The following CEP250 variants were observed in gnomAD, a reference collection of about 807,000 sequenced individuals.
CEP250 encodes centrosomal protein 250, also known as centrosome-associated protein CEP250.
In CEP250, 242 loss-of-function variants were observed where a neutral mutation model predicts 315.7. The ratio of observed to expected loss-of-function variants is 0.77; its 90% confidence interval spans 0.69 to 0.85. The LOEUF (loss-of-function observed/expected upper bound fraction) is 0.85, where lower values mean the gene tolerates loss of function less well. Ranked by LOEUF, CEP250 falls within the 40% of genes least tolerant of loss-of-function variation. CEP250 has a pLI of 0.00. For synonymous variants in CEP250, 1,088 were observed against 1,175.0 expected, an observed-to-expected ratio of 0.93 and a Z score of 1.51; for missense variants, 2,515 against 2,886.4, an observed-to-expected ratio of 0.87 and a Z score of 2.95.
intron 14 of CEP250, 115 bp from the exon 15 acceptor site, chr20:35,475,387 T>G: frequency 9.1e-7 from 1 of 1,094,710 alleles, no homozygotes; most frequent in Non-Finnish European, 1.3e-6. Flanking sequence ...TCCTTATCAG[T>G]GTTTATAGAC....
At chr20:35,501,795 A>G in intron 28 of CEP250, 50 bp from the exon 29 acceptor site, 1 of 1,537,402 alleles carries the variant, frequency 6.5e-7, no homozygotes, top group South Asian at 1.2e-5. Context: ...TATATCCCAA[A>G]CATGGGTCTT....
At position 35,475,540 on chromosome 20, in the gene CEP250, A is replaced by G. The variant is rs760339581; in HGVS notation, c.1610A>G (p.Glu537Gly). The G allele has an allele frequency of 3.8e-5, 61 of 1,614,058 alleles. No homozygotes were observed. The highest frequency in any genetic ancestry group is 6.7e-5 in the Admixed American group (4 of 60,006). The change falls in exon 15 of 35, where the codon GAA (glutamate) becomes GGA (glycine). Residue 537 changes from glutamate (E) to glycine (G), a missense_variant. Physicochemically the swap from Glu to Gly is moderately conservative, Grantham distance 98 (BLOSUM62 -2). Coordinates refer to ENST00000397527, the MANE Select transcript of CEP250 (RefSeq NM_007186.6). ...ATGGGCCTGGAAGCCAAACAGTCAGAATCACTCAGTGAACTGATCACTCTT... is the reference window on the plus strand; with the variant it reads ...ATGGGCCTGGAAGCCAAACAGTCAGGATCACTCAGTGAACTGATCACTCTT... ...MLMGLEAKQS[E>G]SLSELITLRE...
intron 4 of CEP250, among the ~76,000 whole-genome samples, chr20:35,462,964 G>C (rs896179697): frequency 6.6e-5 from 10 of 152,046 alleles, no homozygotes; most frequent in Non-Finnish European, 1.5e-4. Context: ...CAAGGGTTAA[G>C]TTAATTATCC....
rs1314114333 is a variant in CEP250 at position 35,504,994 on chromosome 20, C to T, written c.6625C>T (p.Gln2209Ter). ...TGTCCTGGAGCGGGACTCAGAACAGCAAAGGCTGCAGGTAAGTCACTCCAT... is the reference window on the plus strand; with the variant it reads ...TGTCCTGGAGCGGGACTCAGAACAGTAAAGGCTGCAGGTAAGTCACTCCAT... ...ASVLERDSEQ[Q>*]RLQDELELTR... The change falls in exon 30 of 35, where the codon CAA becomes TAA. Residue 2209 changes from glutamine to a stop codon, truncating the protein, a stop_gained. Transcript: ENST00000397527. LOFTEE classifies it high-confidence loss of function. 7 of 1,604,368 alleles carry T rather than the reference C, an allele frequency of 4.4e-6. No individual in the cohort carries two copies. Among genetic ancestry groups the T allele is most frequent in the Non-Finnish European group, 6.0e-6 (7 of 1,173,562 alleles).
At chr20:35,493,303 T>C (rs1222473601) in intron 22 of CEP250, 126 bp from the exon 23 acceptor site, 1 of 865,106 alleles carries the variant, frequency 1.2e-6, no homozygotes, top group South Asian at 2.1e-5. Context: ...GACTAGGAAG[T>C]GAGAAGGTGA....
chr20:35,481,196 T>G (rs2063335369), intron 20 of CEP250: 1 of 152,102 alleles, frequency 6.6e-6, no homozygotes, highest in South Asian at 2.1e-4. Flanking sequence ...GGTGGGCAGA[T>G]TGCTTGAGCC....
chr20:35,473,602 A>G, intron 13 of CEP250, 50 bp downstream of exon 13: 1 of 1,523,540 alleles, frequency 6.6e-7, no homozygotes, highest in Non-Finnish European at 8.8e-7. Context: ...TCTCAGTCTC[A>G]GTCACCATCC....
chr20:35,475,737 A>T, intron 15 of CEP250, 91 bp downstream of exon 15: 4 of 1,378,118 alleles, frequency 2.9e-6, no homozygotes, highest in Non-Finnish European at 4.0e-6. Flanking sequence ...TCAAGCCAGG[A>T]TCCCTCATCT....
At chr20:35,484,984 A>G (rs2063465718) in intron 20 of CEP250, among the ~76,000 whole-genome samples, 1 of 151,256 alleles carries the variant, frequency 6.6e-6, no homozygotes, top group South Asian at 2.1e-4. Context: ...GCTCATGCCT[A>G]TAATCCCACC....
intron 7 of CEP250, 41 bp from the exon 8 acceptor site, chr20:35,466,925 C>A: frequency 1.6e-6 from 2 of 1,275,478 alleles, no homozygotes; most frequent in Non-Finnish European, 2.3e-6. Flanking sequence ...CAAAAGATAG[C>A]CCTCTGCCTT....
chr20:35,467,369 G>T lies in CEP250; in HGVS notation c.665G>T (p.Arg222Leu), dbSNP rs78174774. Reference sequence around the variant, plus strand: ...GGGTCTCTGTTGACCTGTTGTCTGCGCTTGACTGTGGGAGCACAGTCTCGG... The same window carrying T: ...GGGTCTCTGTTGACCTGTTGTCTGCTCTTGACTGTGGGAGCACAGTCTCGG... ...LSGSLLTCCLRLTVGAQSREP... is the reference protein window; with the variant it reads ...LSGSLLTCCLLLTVGAQSREP... Residue 222 changes from arginine (R) to leucine (L), a missense_variant, in exon 9 of 35, where the codon CGC (arginine) becomes CTC (leucine). Coordinates refer to ENST00000397527, the MANE Select transcript of CEP250 (RefSeq NM_007186.6). 71 of 1,614,128 alleles carry T rather than the reference G, an allele frequency of 4.4e-5. No individual in the cohort carries two copies. The highest frequency in any genetic ancestry group is 2.0e-4 in the East Asian group (9 of 44,880).
At chr20:35,501,193 C>T (rs552865339) in intron 28 of CEP250, among the ~76,000 whole-genome samples, 4 of 152,054 alleles carry the variant, frequency 2.6e-5, no homozygotes, top group African/African-American at 4.8e-5. Context: ...AAGAGTTAGC[C>T]GGGTGTGGTG....
At chr20:35,470,248 T>C (rs771226354) in intron 10 of CEP250, 3 of 487,310 alleles carry the variant, frequency 6.2e-6, no homozygotes, top group Non-Finnish European at 1.1e-5. Flanking sequence ...TACCAGAGAA[T>C]TGGCACATAC....
At position 35,518,614 on chromosome 20, in the gene CEP250, A is replaced by C. The variant is rs2064454066; in HGVS notation, c.*6988A>C. On this transcript the variant is annotated 3_prime_UTR_variant, in exon 35 of 35. Transcript: ENST00000397527. The stretch of plus-strand genomic sequence containing the variant: ...ATTATGAGCTCAAAGTTTTTTATAT[A>C]TTCACTATGATTCAATCATGACAGT... 6.6e-6 allele frequency: 1 copy of C among 152,180 alleles called. No homozygotes were observed. The highest frequency in any genetic ancestry group is 1.5e-5 in the Non-Finnish European group (1 of 68,022). The allele number at this position is 152,180 out of a possible 1,614,324, so 9.4% of individuals were successfully genotyped here. A position where few individuals can be genotyped will look rare whatever the true frequency, so the allele number is the denominator to read the frequency against.
Position 35,504,202 on chromosome 20 carries a change from C to T in CEP250, c.5833C>T (p.Leu1945=). 6.2e-7 allele frequency: 1 copy of T among 1,612,622 alleles called. No individual in the cohort carries two copies. Reference sequence around the variant, plus strand: ...GGAACGGGACCAGGAGCTGGAAGCTCTGCGGGCAGAAAGTCAGTCCTCCCG... The same window carrying T: ...GGAACGGGACCAGGAGCTGGAAGCTTTGCGGGCAGAAAGTCAGTCCTCCCG... ...LKERDQELEA[L]RAESQSSRHQ... Residue 1945 remains leucine, a synonymous_variant, in exon 30 of 35, where the codon CTG becomes TTG. Transcript: ENST00000397527.
At chr20:35,479,198 C>G (rs759307682) in intron 17 of CEP250, 33 bp from the exon 18 acceptor site, 12 of 1,601,252 alleles carry the variant, frequency 7.5e-6, no homozygotes, top group Admixed American at 1.7e-5. Context: ...AATCCAGCCT[C>G]TGCTCCATCT....
rs1423228104 is a variant in CEP250, at chr20:35,467,071, A to G, written c.598A>G (p.Arg200Gly). ...HFLEMKSATD[R>G]DLMELKAEHV... ...CCTGGAAATGAAGTCAGCTACTGAC[A>G]GGTCAGTGTGGGGAGAAGAAGGGAG... The change falls in exon 8 of 35, where the codon AGA (arginine) becomes GGA (glycine). Residue 200 changes from arginine (R) to glycine (G), a missense_variant and splice_region_variant. Transcript: ENST00000397527. 27 of 1,588,666 alleles carry G rather than the reference A, an allele frequency of 1.7e-5. No individual in the cohort carries two copies. The highest frequency in any genetic ancestry group is 2.8e-5 in the African/African-American group (2 of 72,660).
intron 34 of CEP250, 107 bp downstream of exon 34, chr20:35,510,161 C>A: frequency 9.9e-7 from 1 of 1,011,790 alleles, no homozygotes; most frequent in Non-Finnish European, 1.5e-6. Flanking sequence ...ACTTCAGTCT[C>A]CATGGGAGGC....
rs145878385 is a variant in CEP250 at position 35,476,558 on chromosome 20, C to G, written c.1826C>G (p.Ala609Gly). Residue 609 changes from alanine to glycine, a missense_variant, in exon 16 of 35, where the codon GCG becomes GGG. By Grantham distance (60) the Ala-to-Gly change is moderately conservative. Transcript: ENST00000397527. ...VKLSALNEAL[A>G]LDKVGLNQQL... ...CTCAGTGCCTTAAATGAGGCTTTGG[C>G]GTTAGATAAAGTTGGGCTGAACCAG... 6.2e-7 allele frequency: 1 copy of G among 1,613,710 alleles called. No homozygotes were observed. The highest frequency in any genetic ancestry group is 2.2e-5 in the East Asian group (1 of 44,874).
Sources: allele counts gnomAD v4.1 joint callset (sites outside exome capture counted in the v4.1 genomes callset), GRCh38; gene constraint gnomAD v4.1.1; transcripts MANE v1.5; gene names NCBI Gene and HGNC (gene_info 2026-07-23, HGNC 2026-07-21).